TJP3: variants seen among roughly 807,000 people sequenced by gnomAD.
The protein encoded by TJP3 is tight junction protein 3, also known as tight junction protein ZO-3.
Under a neutral mutation model 104.2 loss-of-function variants are expected in TJP3, and 85 were observed. The observed-to-expected ratio is 0.82, with a 90% CI of 0.68 to 0.98. The LOEUF (loss-of-function observed/expected upper bound fraction) is 0.98, where lower values mean the gene tolerates loss of function less well. Ranked by LOEUF, TJP3 falls within the 50% of genes least tolerant of loss-of-function variation. The pLI, the probability that TJP3 is intolerant of heterozygous loss-of-function variation, is 0.00. For synonymous variants in TJP3, 550 were observed against 550.6 expected (o/e 1.00, Z 0.02); for missense variants, 1,367 against 1,322.8 (o/e 1.03, Z -0.52).
chr19:3,747,668 A>G (rs2036917585), intron 18 of TJP3, 126 bp from the exon 19 acceptor site: 1 of 1,202,710 alleles, frequency 8.3e-7, no homozygotes, highest in Non-Finnish European at 1.1e-6. Flanking sequence ...AGAAGCCTCC[A>G]CTGAGGCTCC....
At chr19:3,716,282 A>C (rs2036476411) in intron 1 of TJP3, among the ~76,000 whole-genome samples, 1 of 148,570 alleles carries the variant, frequency 6.7e-6, no homozygotes. Context: ...CCTGTTGGCC[A>C]GGCTGCTCTC....
rs914081625 is a variant in TJP3 at position 3,746,221 on chromosome 19, G to A, written c.2010+140G>A. 1.1e-6 allele frequency: 1 copy of A among 918,222 alleles called. No individual in the cohort carries two copies. Among genetic ancestry groups the A allele is most frequent in the Non-Finnish European group, 1.7e-6 (1 of 603,604 alleles). 56.9% of individuals were successfully genotyped at this position (918,222 alleles called of 1,614,324 possible). ...ATAGAGCCCCTTTTGGAGGCTTTGT[G>A]AGGCAGGAGGCCCGAGACAGACAAG... On this transcript the variant is annotated intron_variant, in intron 16 of 20. Transcript: ENST00000541714. The surrounding 1 kb of genome is among the most constrained non-coding windows in gnomAD (Gnocchi z 4.1).
chr19:3,736,285 C>A lies in TJP3; in HGVS notation c.1248C>A (p.Asp416Glu). Residue 416 changes from aspartate to glutamate, a missense_variant, in exon 11 of 21, where the codon GAC (aspartate) becomes GAA (glutamate). Coordinates refer to ENST00000541714, the MANE Select transcript of TJP3 (RefSeq NM_001267560.2). ...GGGTGCAGGCGGGCAGCCCGGCCGA[C>A]GGGCAGGGCATCCAGGAGGGAGATC... Reference protein sequence around the residue: ...VSGVQAGSPADGQGIQEGDQI... With the variant: ...VSGVQAGSPAEGQGIQEGDQI... 6.5e-7 allele frequency: 1 copy of A among 1,539,390 alleles called. No individual in the cohort carries two copies. The highest frequency in any genetic ancestry group is 8.7e-7 in the Non-Finnish European group (1 of 1,145,890).
At chr19:3,748,392 C>A (rs1222872496) in intron 19 of TJP3, among the ~76,000 whole-genome samples, 3 of 151,440 alleles carry the variant, frequency 2.0e-5, no homozygotes. Context: ...CTGCCTCAGC[C>A]TCCTGAGTAG....
In TJP3 at chr19:3,717,378, G is replaced by A. The variant is rs957161144; in HGVS notation, c.-10+8817G>A. On this transcript the variant is annotated intron_variant, in intron 1 of 20. Transcript: ENST00000541714. ...TTGGCCATCCAAAGTGGGATTACAGGCGTGAGCCACTGTGCCCAGCCATAG... is the reference window on the plus strand; with the variant it reads ...TTGGCCATCCAAAGTGGGATTACAGACGTGAGCCACTGTGCCCAGCCATAG... 3.4e-5 allele frequency among the ~76,000 whole-genome samples: 5 copies of A among 147,738 alleles called. 1 individual carries two copies. Among genetic ancestry groups the A allele is most frequent in the African/African-American group, 4.9e-5 (2 of 40,776 alleles).
In TJP3 at chr19:3,716,183, C is replaced by T. The variant is rs753302456; in HGVS notation, c.-10+7622C>T. Among the ~76,000 whole-genome samples, 6 of 148,238 alleles carry T rather than the reference C, an allele frequency of 4.0e-5. 1 individual carries two copies. The highest frequency in any genetic ancestry group is 6.1e-5 in the Non-Finnish European group (4 of 65,998). ...TGCCTCCCGGGTTCAAGTGATTCTCCTGCCTCAGCCTCCCGAGTAGCAGGG... is the reference window on the plus strand; with the variant it reads ...TGCCTCCCGGGTTCAAGTGATTCTCTTGCCTCAGCCTCCCGAGTAGCAGGG... On this transcript the variant is annotated intron_variant, in intron 1 of 20. Coordinates refer to ENST00000541714, the MANE Select transcript of TJP3 (RefSeq NM_001267560.2).
At position 3,746,903 on chromosome 19, in the gene TJP3, G is replaced by A. The variant is rs1448714876; in HGVS notation, c.2322+27G>A. Reference sequence around the variant, plus strand: ...TACTGCCGCGGTGTGGGTGGGTCGGGCAGGGAGGCCCCACAGACGCTGTGC... The same window carrying A: ...TACTGCCGCGGTGTGGGTGGGTCGGACAGGGAGGCCCCACAGACGCTGTGC... On this transcript the variant is annotated intron_variant, in intron 18 of 20. Transcript: ENST00000541714. The surrounding 1 kb of genome is among the most constrained non-coding windows in gnomAD (Gnocchi z 4.1). 2.1e-6 allele frequency: 3 copies of A among 1,459,040 alleles called. No individual in the cohort carries two copies. Among genetic ancestry groups the A allele is most frequent in the Non-Finnish European group, 1.9e-6 (2 of 1,058,616 alleles). The allele number at this position is 1,459,040 out of a possible 1,614,324, so 90.4% of individuals were successfully genotyped here.
chr19:3,708,996 C>T (rs1345886129), intron 1 of TJP3, among the ~76,000 whole-genome samples: 1 of 152,138 alleles, frequency 6.6e-6, no homozygotes, highest in Non-Finnish European at 1.5e-5. Flanking sequence ...CCTCCTGGAA[C>T]TTCTTAAAAG....
At chr19:3,739,358 C>T (rs1389040568) in intron 13 of TJP3, among the ~76,000 whole-genome samples, 4 of 152,120 alleles carry the variant, frequency 2.6e-5, no homozygotes, top group Admixed American at 6.5e-5. Flanking sequence ...GGCGTGGTGG[C>T]ACATGCCTAT....
chr19:3,733,113 GCAA>G (rs1201886411), intron 6 of TJP3, among the ~76,000 whole-genome samples: 1 of 151,640 alleles, frequency 6.6e-6, no homozygotes, highest in Non-Finnish European at 1.5e-5. Context: ...TTGGCTCACT[GCAA>G]CCTCCACCTC....
At chr19:3,716,795 A>T (rs1454332070) in intron 1 of TJP3, among the ~76,000 whole-genome samples, 10 of 66,790 alleles carry the variant, frequency 1.5e-4, no homozygotes, top group African/African-American at 4.9e-4. Context: ...ATATATATAT[A>T]TATATATTTT....
intron 1 of TJP3, among the ~76,000 whole-genome samples, chr19:3,718,211 AAGTGTGTGTGTGTGTGT>A (rs1330894522): frequency 1.0e-4 from 6 of 59,324 alleles, no homozygotes; most frequent in African/African-American, 3.4e-4. Context: ...AAAAAAAAAA[AAGTGTGTGTGTGTGTGT>A]GTGTGTGTGT....
intron 1 of TJP3, among the ~76,000 whole-genome samples, chr19:3,727,297 A>G (rs1465003219): frequency 2.0e-5 from 3 of 152,062 alleles, no homozygotes; most frequent in Non-Finnish European, 4.4e-5. Flanking sequence ...CCTGGCCAAC[A>G]TAGTGAAACC....
chr19:3,741,104 G>A (rs56284147), intron 14 of TJP3, among the ~76,000 whole-genome samples: 30,159 of 151,828 alleles, frequency 0.2, 3,333 homozygotes, highest in South Asian at 0.28. Context: ...TGATTCAAGC[G>A]ATTCTCTTGC....
At position 3,746,889 on chromosome 19, in the gene TJP3, TGTGG is replaced by T; in HGVS notation, c.2322+20_2322+23del. On this transcript the variant is annotated intron_variant, in intron 18 of 20. Coordinates refer to ENST00000541714, the MANE Select transcript of TJP3 (RefSeq NM_001267560.2). The surrounding 1 kb of genome is among the most constrained non-coding windows in gnomAD (Gnocchi z 4.1). ...GGCGGAAGATCAGGTACTGCCGCGGTGTGGGTGGGTCGGGCAGGGAGGCCCCACA... is the reference window on the plus strand; with the variant it reads ...GGCGGAAGATCAGGTACTGCCGCGGTGTGGGTCGGGCAGGGAGGCCCCACA... 6.7e-7 allele frequency: 1 copy of T among 1,502,684 alleles called. No homozygotes were observed. The highest frequency in any genetic ancestry group is 1.4e-5 in the African/African-American group (1 of 71,898). The allele number at this position is 1,502,684 out of a possible 1,614,324, so 93.1% of individuals were successfully genotyped here. A position where few individuals can be genotyped will look rare whatever the true frequency, so the allele number is the denominator to read the frequency against.
chr19:3,730,648 G>T lies in TJP3; in HGVS notation c.555G>T (p.Arg185=), dbSNP rs780890345. The T allele has an allele frequency of 1.2e-6, 2 of 1,611,410 alleles. No homozygotes were observed. Among genetic ancestry groups the T allele is most frequent in the Non-Finnish European group, 1.7e-6 (2 of 1,180,000 alleles). The change falls in exon 5 of 21, where the codon CGG becomes CGT. Residue 185 remains arginine (R), a synonymous_variant. Transcript: ENST00000541714. This position sits in a 1 kb window ranked among gnomAD's most constrained non-coding sequence, Gnocchi z 7.3. ...TGTCCGGCTTTAAGCGGCTGCCACG[G>T]CAGGACGTGCAGATGAAGCCTGTGA... ...ALVSGFKRLP[R]QDVQMKPVKS...
At chr19:3,729,902 C>A in intron 3 of TJP3, 126 bp from the exon 4 acceptor site, 1 of 720,336 alleles carries the variant, frequency 1.4e-6, no homozygotes, top group Non-Finnish European at 2.5e-6. Context: ...AACCTAGGGA[C>A]ACCAATGAAT....
intron 1 of TJP3, among the ~76,000 whole-genome samples, chr19:3,714,728 G>A (rs570885012): frequency 6.6e-6 from 1 of 152,132 alleles, no homozygotes; most frequent in South Asian, 2.1e-4. Context: ...CTGATCCACT[G>A]GGGGACCTCA....
intron 15 of TJP3, among the ~76,000 whole-genome samples, chr19:3,745,689 C>T (rs2036877926): frequency 6.6e-6 from 1 of 152,210 alleles, no homozygotes; most frequent in South Asian, 2.1e-4. Context: ...CCAGGGGCTG[C>T]AGCTCAGGCT....
Sources: gnomAD v4.1 joint callset for allele counts (sites outside exome capture counted in the v4.1 genomes callset) on GRCh38, gnomAD v4.1.1 for gene constraint, Gnocchi (gnomAD v3.1) non-coding constraint, MANE v1.5 for transcripts, NCBI Gene and HGNC (gene_info 2026-07-23, HGNC 2026-07-21) for gene names.